Variants in BBX observed in about 807,000 individuals in gnomAD.
BBX encodes the protein HMG box transcription factor BBX.
BBX carries 30 observed loss-of-function variants against 100.2 expected under a neutral mutation model. The ratio of observed to expected loss-of-function variants is 0.30; its 90% confidence interval spans 0.22 to 0.41. The LOEUF (loss-of-function observed/expected upper bound fraction) is 0.41, where lower values mean the gene tolerates loss of function less well. BBX is among the 10% of genes least tolerant of loss of function. BBX has a pLI of 1.00. For synonymous variants in BBX, 376 were observed against 388.1 expected (o/e 0.97, Z 0.37); for missense variants, 1,023 against 1,129.8 (o/e 0.91, Z 1.35).
Position 107,716,597 on chromosome 3 carries a change from G to T in BBX, c.163-10G>T. 1 of 1,609,650 alleles carries T rather than the reference G, an allele frequency of 6.2e-7. No homozygotes were observed. The highest frequency in any genetic ancestry group is 8.5e-7 in the Non-Finnish European group (1 of 1,176,552). ...TGTTAAAGATCTGGCTTTGTTTTTG[G>T]TGGTAATAGGTTCAACTTCTTGGGG... On this transcript the variant is annotated splice_polypyrimidine_tract_variant and intron_variant, in intron 4 of 17. Transcript: ENST00000325805.
rs201869922 is a variant in BBX at position 107,645,293 on chromosome 3, TTAAAAAA to T, written c.-83-536_-83-530del. 3.4e-3 allele frequency among the ~76,000 whole-genome samples: 521 copies of T among 152,336 alleles called. 5 individuals carry two copies. The highest frequency in any genetic ancestry group is 0.034 in the Middle Eastern group (10 of 294). On this transcript the variant is annotated intron_variant, in intron 2 of 17. Transcript: ENST00000325805. ...CTTATAATTACTTCATCCTTTATCC[TTAAAAAA>T]TAAAAATTATTTTCTATTTGTCCCC...
At chr3:107,683,481 A>G (rs905983879) in intron 3 of BBX, among the ~76,000 whole-genome samples, 2 of 152,114 alleles carry the variant, frequency 1.3e-5, no homozygotes, top group Non-Finnish European at 2.9e-5. Flanking sequence ...ATAAGGATTT[A>G]TTTGTGATCA....
intron 4 of BBX, chr3:107,711,386 A>G: frequency 2.2e-6 from 1 of 457,610 alleles, no homozygotes; most frequent in Non-Finnish European, 4.5e-6. Context: ...ATATAGATGT[A>G]TGCTGAATGA....
At chr3:107,586,831 A>G (rs1018722554) in intron 2 of BBX, among the ~76,000 whole-genome samples, 4 of 151,172 alleles carry the variant, frequency 2.6e-5, no homozygotes, top group African/African-American at 9.7e-5. Flanking sequence ...GCTCACTGCA[A>G]CCTCCGCCTC....
rs73850172 is a variant in BBX at position 107,801,340 on chromosome 3, G to T, written c.2738+59G>T. 4.1e-3 allele frequency: 6,329 copies of T among 1,549,650 alleles called. 197 individuals carry two copies. The African/African-American group carries it at 0.074, about 18-fold the overall frequency. On this transcript the variant is annotated intron_variant, in intron 17 of 17. Transcript: ENST00000325805. ...TGGAAACCAGATCAACCTCTTTGAT[G>T]TGATTTGTGACATTTTTTACAGGGC... is the stretch of plus-strand genomic sequence containing the variant.
chr3:107,796,815 G>A (rs867393943), intron 15 of BBX, among the ~76,000 whole-genome samples: 1 of 152,062 alleles, frequency 6.6e-6, no homozygotes, highest in African/African-American at 2.4e-5. Context: ...TAATAACTGA[G>A]TAAATTAATC....
chr3:107,666,738 A>C (rs1179542263), intron 3 of BBX, among the ~76,000 whole-genome samples: 1 of 151,986 alleles, frequency 6.6e-6, no homozygotes, highest in Non-Finnish European at 1.5e-5. Flanking sequence ...CGCCCAGCTA[A>C]TTTTTGTATT....
At chr3:107,643,837 A>C (rs1419131788) in intron 2 of BBX, among the ~76,000 whole-genome samples, 1 of 152,052 alleles carries the variant, frequency 6.6e-6, no homozygotes, top group African/African-American at 2.4e-5. Flanking sequence ...TAAAATTTGG[A>C]GTGTTTCTGT....
rs569075196 is a variant in BBX, at chr3:107,539,645, A to G, written c.-84+13247A>G. Among the ~76,000 whole-genome samples the G allele has an allele frequency of 3.5e-4, 54 of 152,302 alleles. 1 individual carries two copies. The South Asian group carries it at 9.1e-3, about 26-fold the overall frequency. On this transcript the variant is annotated intron_variant, in intron 2 of 17. Coordinates refer to ENST00000325805, the MANE Select transcript of BBX (RefSeq NM_001142568.3). ...TTTGAGCATGTGTTCCTTGATATGT[A>G]TACATTTCTTTATAAATTATATATA...
intron 3 of BBX, among the ~76,000 whole-genome samples, chr3:107,667,044 A>T (rs1354177511): frequency 6.6e-6 from 1 of 152,244 alleles, no homozygotes; most frequent in Non-Finnish European, 1.5e-5. Context: ...AAAACTGTTA[A>T]GGAAACGTAT....
At chr3:107,552,102 G>C (rs2049733016) in intron 2 of BBX, among the ~76,000 whole-genome samples, 1 of 152,000 alleles carries the variant, frequency 6.6e-6, no homozygotes, top group Non-Finnish European at 1.5e-5. Context: ...AGCACTTTGG[G>C]AGGCTGCGGC....
At chr3:107,632,194 AG>A (rs774930028) in intron 2 of BBX, among the ~76,000 whole-genome samples, 5 of 151,954 alleles carry the variant, frequency 3.3e-5, no homozygotes, top group Non-Finnish European at 5.9e-5. Context: ...CTCCTACCTC[AG>A]CCTACCCGAG....
intron 2 of BBX, among the ~76,000 whole-genome samples, chr3:107,537,830 A>G (rs564597024): frequency 6.6e-6 from 1 of 152,242 alleles, no homozygotes; most frequent in East Asian, 1.9e-4. Context: ...TTTCTGAAAT[A>G]TTGTGCTCAG....
intron 2 of BBX, among the ~76,000 whole-genome samples, chr3:107,591,108 C>T (rs1043660498): frequency 3.9e-5 from 6 of 152,202 alleles, no homozygotes; most frequent in Admixed American, 6.5e-5. Flanking sequence ...TTTTTTTCCC[C>T]CCAGTCTTAA....
At chr3:107,568,264 T>C (rs1415784017) in intron 2 of BBX, among the ~76,000 whole-genome samples, 1 of 105,046 alleles carries the variant, frequency 9.5e-6, no homozygotes, top group South Asian at 3.2e-4. Flanking sequence ...TATTTTCTGC[T>C]ATTTTTTTTT....
chr3:107,642,779 A>T (rs1372210926), intron 2 of BBX, among the ~76,000 whole-genome samples: 8 of 151,892 alleles, frequency 5.3e-5, no homozygotes, highest in African/African-American at 1.9e-4. Flanking sequence ...CATGTGTACC[A>T]TGCATGGTAT....
intron 2 of BBX, among the ~76,000 whole-genome samples, chr3:107,552,171 G>T (rs2049740685): frequency 6.6e-6 from 1 of 151,196 alleles, no homozygotes; most frequent in Non-Finnish European, 1.5e-5. Context: ...TCAAAACCTT[G>T]TCTATACTAA....
At chr3:107,754,866 G>A (rs1486217072) in intron 9 of BBX, among the ~76,000 whole-genome samples, 1 of 152,298 alleles carries the variant, frequency 6.6e-6, no homozygotes, top group South Asian at 2.1e-4. Flanking sequence ...GGCTAGAAAT[G>A]GAAAATGAAG....
chr3:107,562,753 G>A (rs2050599281), intron 2 of BBX, among the ~76,000 whole-genome samples: 1 of 152,060 alleles, frequency 6.6e-6, no homozygotes, highest in African/African-American at 2.4e-5. Flanking sequence ...TTATATTTCT[G>A]CTGAAGTGGA....
Sources: gnomAD v4.1 joint callset for allele counts (sites outside exome capture counted in the v4.1 genomes callset) on GRCh38, gnomAD v4.1.1 for gene constraint, MANE v1.5 for transcripts, NCBI Gene and HGNC (gene_info 2026-07-23, HGNC 2026-07-21) for gene names.